Variants in MAGI2 observed in about 807,000 individuals in gnomAD.
The protein encoded by MAGI2 is membrane associated guanylate kinase, WW and PDZ domain containing 2.
Under a neutral mutation model 133.3 loss-of-function variants are expected in MAGI2, and 35 were observed. The observed-to-expected ratio is 0.26, with a 90% CI of 0.20 to 0.35. The LOEUF (loss-of-function observed/expected upper bound fraction) is 0.35, where lower values mean the gene tolerates loss of function less well. Ranked by LOEUF, MAGI2 falls within the 10% of genes least tolerant of loss-of-function variation. The pLI is 1.00. For synonymous variants in MAGI2, 729 were observed against 710.6 expected, an observed-to-expected ratio of 1.03 and a Z score of -0.41; for missense variants, 1,636 against 1,863.4, an observed-to-expected ratio of 0.88 and a Z score of 2.25.
intron 1 of MAGI2, among the ~76,000 whole-genome samples, chr7:79,280,122 TATA>T (rs1393385187): frequency 6.6e-6 from 1 of 152,200 alleles, no homozygotes; most frequent in East Asian, 1.9e-4. Flanking sequence ...TGTTCAAAAA[TATA>T]ATAAGTCTTG....
Position 78,669,873 on chromosome 7 carries a change from C to A in MAGI2, c.419-42634G>T, listed in dbSNP as rs1365744246. 1.2e-3 allele frequency among the ~76,000 whole-genome samples: 188 copies of A among 150,956 alleles called. 1 individual carries two copies. Among genetic ancestry groups the A allele is most frequent in the Middle Eastern group, 0.01 (3 of 294 alleles). On this transcript the variant is annotated intron_variant, in intron 2 of 21. Coordinates refer to ENST00000354212, the MANE Select transcript of MAGI2 (RefSeq NM_012301.4). ...AAGGCCTTTGACAAAATTCAACAAC[C>A]CTTCATGCTAAAAGCTCTCAATAAA...
chr7:78,285,210 G>A (rs927263722), intron 9 of MAGI2, among the ~76,000 whole-genome samples: 1 of 152,088 alleles, frequency 6.6e-6, no homozygotes, highest in Admixed American at 6.6e-5. Context: ...GAAAGTGTTA[G>A]CAGCAGGGCA....
chr7:78,573,618 CT>C (rs1801963871), intron 3 of MAGI2, among the ~76,000 whole-genome samples: 1 of 150,084 alleles, frequency 6.7e-6, no homozygotes, highest in Non-Finnish European at 1.5e-5. Flanking sequence ...TTGGATTTAC[CT>C]TTTAGGTTTT....
At chr7:78,643,242 A>C (rs1490580709) in intron 2 of MAGI2, among the ~76,000 whole-genome samples, 2 of 152,152 alleles carry the variant, frequency 1.3e-5, no homozygotes, top group African/African-American at 2.4e-5. Context: ...GTAACTAAGA[A>C]ATGCCAAGAA....
intron 1 of MAGI2, among the ~76,000 whole-genome samples, chr7:79,111,167 T>A (rs1317625898): frequency 6.6e-6 from 1 of 152,226 alleles, no homozygotes; most frequent in Non-Finnish European, 1.5e-5. Flanking sequence ...AAAAAATAAT[T>A]TGATTTATAA....
At chr7:78,582,008 G>C (rs769707266) in intron 3 of MAGI2, among the ~76,000 whole-genome samples, 1 of 152,156 alleles carries the variant, frequency 6.6e-6, no homozygotes, top group Non-Finnish European at 1.5e-5. Context: ...GGGAAGGTCA[G>C]GAACTCCTTC....
At chr7:78,063,268 G>T (rs949668653) in intron 21 of MAGI2, among the ~76,000 whole-genome samples, 1 of 152,004 alleles carries the variant, frequency 6.6e-6, no homozygotes, top group Non-Finnish European at 1.5e-5. Flanking sequence ...TTGAGACAGG[G>T]TCCCACTCTG....
intron 1 of MAGI2, among the ~76,000 whole-genome samples, chr7:79,389,614 G>C (rs1228933616): frequency 6.6e-6 from 1 of 151,954 alleles, no homozygotes; most frequent in Non-Finnish European, 1.5e-5. Flanking sequence ...ACCATTTTGA[G>C]AAAAATTATA....
At chr7:79,145,340 GTATTA>G (rs1822518888) in intron 1 of MAGI2, among the ~76,000 whole-genome samples, 8 of 151,878 alleles carry the variant, frequency 5.3e-5, no homozygotes. Context: ...AATACATCAT[GTATTA>G]CCTAGGTAAG....
At chr7:79,155,694 G>A (rs1295151948) in intron 1 of MAGI2, among the ~76,000 whole-genome samples, 4 of 152,078 alleles carry the variant, frequency 2.6e-5, no homozygotes, top group African/African-American at 9.7e-5. Context: ...TCATCTTGCA[G>A]GGAATACACC....
At chr7:79,014,996 AT>A (rs1336486249) in intron 1 of MAGI2, among the ~76,000 whole-genome samples, 2 of 152,238 alleles carry the variant, frequency 1.3e-5, no homozygotes, top group Non-Finnish European at 2.9e-5. Flanking sequence ...GAAAATGCTC[AT>A]ACTTTGGTAT....
chr7:78,662,921 A>T (rs956136387), intron 2 of MAGI2, among the ~76,000 whole-genome samples: 1 of 152,200 alleles, frequency 6.6e-6, no homozygotes, highest in African/African-American at 2.4e-5. Context: ...TAAATAATTT[A>T]ATTCCCAAAA....
chr7:78,073,699 C>T (rs757673948), intron 21 of MAGI2, among the ~76,000 whole-genome samples: 1 of 152,176 alleles, frequency 6.6e-6, no homozygotes, highest in Non-Finnish European at 1.5e-5. Flanking sequence ...AGTGTATGTT[C>T]GTGTTGTACT....
At chr7:79,017,046 C>T (rs1428847411) in intron 1 of MAGI2, among the ~76,000 whole-genome samples, 1 of 152,258 alleles carries the variant, frequency 6.6e-6, no homozygotes, top group East Asian at 1.9e-4. Flanking sequence ...CAAAGGCCAG[C>T]ACATCTGTTC....
At chr7:78,882,115 A>AAAAAAAAAAAAAAAAAAAAAAAAG (rs1795918606) in intron 2 of MAGI2, among the ~76,000 whole-genome samples, 9 of 93,728 alleles carry the variant, frequency 9.6e-5, no homozygotes, top group Non-Finnish European at 1.5e-4. Context: ...AAAAGAAAAG[A>AAAAAAAAAAAAAAAAAAAAAAAAG]AAAACAAAAA....
intron 1 of MAGI2, among the ~76,000 whole-genome samples, chr7:79,387,571 C>A (rs1034450711): frequency 6.6e-6 from 1 of 151,976 alleles, no homozygotes; most frequent in Non-Finnish European, 1.5e-5. Flanking sequence ...CAATTTTGGT[C>A]CCTACTCTCT....
intron 10 of MAGI2, among the ~76,000 whole-genome samples, chr7:78,245,833 C>T (rs1021990219): frequency 3.3e-5 from 5 of 152,066 alleles, no homozygotes; most frequent in African/African-American, 4.8e-5. Flanking sequence ...GAAAAGAAGC[C>T]GACACGGTGC....
At chr7:78,297,656 A>ATGAT (rs1024858452) in intron 9 of MAGI2, among the ~76,000 whole-genome samples, 8 of 151,896 alleles carry the variant, frequency 5.3e-5, no homozygotes, top group African/African-American at 1.9e-4. Context: ...GCCATAAAAA[A>ATGAT]TGATTAGTTC....
chr7:79,046,306 G>GAC (rs146147281), intron 1 of MAGI2, among the ~76,000 whole-genome samples: 2 of 152,174 alleles, frequency 1.3e-5, no homozygotes, highest in South Asian at 4.1e-4. Flanking sequence ...CTTAAAGGAA[G>GAC]ACACACACAC....
Sources: allele counts gnomAD v4.1 joint callset (sites outside exome capture counted in the v4.1 genomes callset), GRCh38; gene constraint gnomAD v4.1.1; transcripts MANE v1.5; gene names NCBI Gene and HGNC (gene_info 2026-07-23, HGNC 2026-07-21).